CCDC62: variants seen among roughly 807,000 people sequenced by gnomAD.
The protein encoded by CCDC62 is coiled-coil domain containing 62.
CCDC62 carries 72 observed loss-of-function variants against 80.8 expected under a neutral mutation model. The observed-to-expected ratio is 0.89, with a 90% CI of 0.74 to 1.08. CCDC62 has a LOEUF of 1.08. Ranked by LOEUF, CCDC62 falls within the 50% of genes least tolerant of loss-of-function variation. The pLI, the probability that CCDC62 is intolerant of heterozygous loss-of-function variation, is 0.00. For missense variants in CCDC62, 704 were observed against 809.4 expected (o/e 0.87, Z 1.58); for synonymous variants, 286 against 296.5 (o/e 0.96, Z 0.36).
intron 10 of CCDC62, among the ~76,000 whole-genome samples, chr12:122,810,891 A>G (rs2031840265): frequency 6.6e-6 from 1 of 152,088 alleles, no homozygotes; most frequent in Admixed American, 6.6e-5. Flanking sequence ...GAAGCTGGAA[A>G]CCATCATTCT....
At position 122,827,294 on chromosome 12, in the gene CCDC62, G is replaced by T. The variant is rs2032673127; in HGVS notation, c.*913G>T. The T allele has an allele frequency of 6.6e-6, 1 of 152,170 alleles. No individual in the cohort carries two copies. Among genetic ancestry groups the T allele is most frequent in the Admixed American group, 6.5e-5 (1 of 15,270 alleles). The allele number at this position is 152,170 out of a possible 1,614,324, so 9.4% of individuals were successfully genotyped here. A position where few individuals can be genotyped will look rare whatever the true frequency, so the allele number is the denominator to read the frequency against. On this transcript the variant is annotated 3_prime_UTR_variant, in exon 13 of 13. Transcript: ENST00000253079. Reference sequence around the variant, plus strand: ...CATCACTTTAAACTGAACCTGGCAAGTTAATTTCCTCAGGAATGGGGATGT... The same window carrying T: ...CATCACTTTAAACTGAACCTGGCAATTTAATTTCCTCAGGAATGGGGATGT...
At chr12:122,788,978 A>G (rs772179672) in intron 5 of CCDC62, 49 bp downstream of exon 5, 22 of 1,408,434 alleles carry the variant, frequency 1.6e-5, no homozygotes, top group South Asian at 1.4e-5. Context: ...TCTTGGGAAT[A>G]TAGTTTTTCA....
intron 11 of CCDC62, among the ~76,000 whole-genome samples, chr12:122,820,061 C>CAAAAAAAAAAAA: frequency 1.7e-5 from 1 of 58,112 alleles, no homozygotes; most frequent in Non-Finnish European, 2.8e-5. Context: ...GATCCTGTCT[C>CAAAAAAAAAAAA]AAAAAAAAAA....
chr12:122,782,789 G>A (rs1593782463), intron 3 of CCDC62, among the ~76,000 whole-genome samples: 2 of 151,604 alleles, frequency 1.3e-5, no homozygotes, highest in South Asian at 4.2e-4. Context: ...AATGTTAGTG[G>A]CATATTGGGA....
chr12:122,812,777 G>GAGAGAGAGAGAGAAAGAAAGAA (rs750420995), intron 10 of CCDC62, among the ~76,000 whole-genome samples: 65 of 57,764 alleles, frequency 1.1e-3, no homozygotes, highest in African/African-American at 4.7e-3. Flanking sequence ...GAGAGAGAGA[G>GAGAGAGAGAGAGAAAGAAAGAA]AGAAAGAAAG....
intron 4 of CCDC62, 101 bp from the exon 5 acceptor site, chr12:122,788,657 G>A: frequency 1.4e-6 from 1 of 723,044 alleles, no homozygotes; most frequent in South Asian, 2.0e-5. Context: ...AAAATGCTTA[G>A]AGTGGAACCT....
rs748886783 is a variant in CCDC62 at position 122,813,221 on chromosome 12, T to C, written c.1852-49T>C. On this transcript the variant is annotated intron_variant, in intron 10 of 12. Coordinates refer to ENST00000253079, the MANE Select transcript of CCDC62 (RefSeq NM_201435.5). ...AACAATATTCCTAGGTAGTTAGCAT[T>C]TGTGTTTGTAAACCTAAGCATTTAA... is the stretch of plus-strand genomic sequence containing the variant. 7.2e-6 allele frequency: 11 copies of C among 1,527,758 alleles called. No individual in the cohort carries two copies. The South Asian group carries it at 1.1e-4, about 15-fold the overall frequency. The allele number at this position is 1,527,758 out of a possible 1,614,324, so 94.6% of individuals were successfully genotyped here. A position where few individuals can be genotyped will look rare whatever the true frequency, so the allele number is the denominator to read the frequency against.
intron 9 of CCDC62, among the ~76,000 whole-genome samples, chr12:122,803,999 T>C (rs1237563590): frequency 2.6e-5 from 4 of 152,250 alleles, no homozygotes; most frequent in African/African-American, 4.8e-5. Flanking sequence ...GATGCCAAGA[T>C]ATCACATGAC....
At chr12:122,800,428 T>A (rs984027282) in intron 8 of CCDC62, among the ~76,000 whole-genome samples, 72 of 140,264 alleles carry the variant, frequency 5.1e-4, no homozygotes, top group Non-Finnish European at 8.3e-4. Flanking sequence ...AAAAAAAAAA[T>A]TTTTTTTTTT....
chr12:122,791,673 T>G (rs1022809522), intron 5 of CCDC62, among the ~76,000 whole-genome samples: 12 of 152,178 alleles, frequency 7.9e-5, no homozygotes, highest in African/African-American at 2.9e-4. Context: ...GGTCTCGAAC[T>G]CCTGGCCTCA....
intron 5 of CCDC62, among the ~76,000 whole-genome samples, chr12:122,789,689 C>A (rs150164103): frequency 6.6e-6 from 1 of 152,300 alleles, no homozygotes; most frequent in African/African-American, 2.4e-5. Flanking sequence ...CTGCCTTGGC[C>A]TCCCAAAGTG....
chr12:122,791,983 A>T, intron 5 of CCDC62, 37 bp from the exon 6 acceptor site: 1 of 1,414,860 alleles, frequency 7.1e-7, no homozygotes, highest in Non-Finnish European at 1.0e-6. Flanking sequence ...GGAACCTAGT[A>T]TTTATTTGAG....
chr12:122,778,622 G>A (rs969766447), intron 2 of CCDC62, among the ~76,000 whole-genome samples: 13 of 152,158 alleles, frequency 8.5e-5, no homozygotes, highest in African/African-American at 1.2e-4. Context: ...GCTCATGCCT[G>A]TAATCCCAGC....
chr12:122,812,334 C>T (rs554789493), intron 10 of CCDC62, among the ~76,000 whole-genome samples: 81 of 150,794 alleles, frequency 5.4e-4, no homozygotes, highest in Non-Finnish European at 9.4e-4. Context: ...CGCATCTACT[C>T]GGGAGGCTGA....
intron 12 of CCDC62, among the ~76,000 whole-genome samples, chr12:122,825,638 G>T (rs1160676822): frequency 6.7e-6 from 1 of 149,688 alleles, no homozygotes; most frequent in Non-Finnish European, 1.5e-5. Flanking sequence ...TTAAAGGCGT[G>T]GCCCCCCACG....
Position 122,826,631 on chromosome 12 carries a change from C to A in CCDC62, c.*250C>A, listed in dbSNP as rs1330479926. On this transcript the variant is annotated 3_prime_UTR_variant, in exon 13 of 13. Coordinates refer to ENST00000253079, the MANE Select transcript of CCDC62 (RefSeq NM_201435.5). ...ATATTTTCATGTGTAAGAAAGTAGA[C>A]CTTATTGTACATATAGAAAGTTGGA... 6.0e-6 allele frequency: 3 copies of A among 500,338 alleles called. No individual in the cohort carries two copies. The highest frequency in any genetic ancestry group is 3.5e-6 in the Non-Finnish European group (1 of 283,644). 31.0% of individuals were successfully genotyped at this position (500,338 alleles called of 1,614,324 possible).
Position 122,801,122 on chromosome 12 carries a change from A to T in CCDC62, c.978-2A>T. On this transcript the variant is annotated splice_acceptor_variant, in intron 8 of 12. Transcript: ENST00000253079. LOFTEE classifies it high-confidence loss of function. ...TCCATTTTTTTTCTAATGCCACCAT[A>T]GCAGAGACATGTGTTTATCAGACCT... The T allele has an allele frequency of 6.2e-7, 1 of 1,603,800 alleles. No homozygotes were observed. The highest frequency in any genetic ancestry group is 1.7e-5 in the Admixed American group (1 of 57,216).
At chr12:122,812,652 G>GAGAA (rs1389029181) in intron 10 of CCDC62, among the ~76,000 whole-genome samples, 29 of 93,316 alleles carry the variant, frequency 3.1e-4, no homozygotes, top group South Asian at 6.8e-4. Context: ...GCTGAGGTGG[G>GAGAA]TGGAGCTTGA....
intron 7 of CCDC62, 147 bp from the exon 8 acceptor site, chr12:122,797,938 T>G: frequency 1.7e-6 from 1 of 590,526 alleles, no homozygotes; most frequent in Non-Finnish European, 3.0e-6. Context: ...CAAAGGAAAA[T>G]TAAAAGCAGA....
Sources: gnomAD v4.1 joint callset for allele counts (sites outside exome capture counted in the v4.1 genomes callset) on GRCh38, gnomAD v4.1.1 for gene constraint, MANE v1.5 for transcripts, NCBI Gene and HGNC (gene_info 2026-07-23, HGNC 2026-07-21) for gene names.